PMPCB: variants seen among roughly 807,000 people sequenced by gnomAD.
The protein encoded by PMPCB is peptidase, mitochondrial processing subunit beta, also known as mitochondrial-processing peptidase subunit beta.
PMPCB carries 46 observed loss-of-function variants against 61.5 expected under a neutral mutation model. The ratio of observed to expected loss-of-function variants is 0.75; its 90% CI spans 0.59 to 0.96. The LOEUF (loss-of-function observed/expected upper bound fraction) is 0.96. PMPCB is among the 40% of genes least tolerant of loss of function. PMPCB has a pLI of 0.00. For synonymous variants in PMPCB, 191 were observed against 201.6 expected (o/e 0.95, Z 0.44); for missense variants, 590 against 602.4 (o/e 0.98, Z 0.22).
At chr7:103,320,172 T>C (rs1311464353) in intron 12 of PMPCB, among the ~76,000 whole-genome samples, 1 of 152,104 alleles carries the variant, frequency 6.6e-6, no homozygotes, top group African/African-American at 2.4e-5. Context: ...CACTGCAACC[T>C]CCACCTCCCG....
chr7:103,346,819 TGTGTGTGTG>T, the PMPCB span, among the ~76,000 whole-genome samples: 25 of 2,176 alleles, frequency 0.011, no homozygotes, highest in Non-Finnish European at 0.086. Flanking sequence ...GGCTGAATAA[TGTGTGTGTG>T]TGTGTGTGTG....
At chr7:103,319,652 G>A, downstream of PMPCB, 3 of 1,614,038 alleles carry the variant, frequency 1.9e-6, no homozygotes, top group Non-Finnish European at 2.5e-6. Flanking sequence ...TGTGCATGAT[G>A]TGAGTGTTTC....
chr7:103,303,956 AAGTT>A lies in PMPCB; in HGVS notation c.573_576del (p.Val192PhefsTer29). On this transcript the variant is annotated frameshift_variant, in exon 5 of 13. Coordinates refer to ENST00000249269, the MANE Select transcript of PMPCB (RefSeq NM_004279.3). LOFTEE classifies it high-confidence loss of function. ...CAGGAAGTTGAAACCAATTTACAAG[AAGTT>A]GTTTTTGATTATCTTCATGCCACAG... 1 of 1,613,926 alleles carries A rather than the reference AAGTT, an allele frequency of 6.2e-7. No individual in the cohort carries two copies. Among genetic ancestry groups the A allele is most frequent in the Non-Finnish European group, 8.5e-7 (1 of 1,179,798 alleles).
At chr7:103,330,819 C>T (rs1330605987), downstream of PMPCB, among the ~76,000 whole-genome samples, 7 of 150,358 alleles carry the variant, frequency 4.7e-5, no homozygotes, top group Admixed American at 4.6e-4. Context: ...TGGGCTCAAG[C>T]GATCCTCCCA....
In PMPCB at chr7:103,313,263, A is replaced by G. The variant is rs952069700; in HGVS notation, c.*992A>G. ...GATACATATAGCCCTCTGAGTGTTA[A>G]TAAGAGAAAAAATTTCAGATAGCTC... is the stretch of plus-strand genomic sequence containing the variant. On this transcript the variant is annotated 3_prime_UTR_variant, in exon 13 of 13. Coordinates refer to ENST00000249269, the MANE Select transcript of PMPCB (RefSeq NM_004279.3). 3.6e-5 allele frequency: 48 copies of G among 1,350,838 alleles called. No individual in the cohort carries two copies. Among genetic ancestry groups the G allele is most frequent in the Non-Finnish European group, 4.5e-5 (48 of 1,055,460 alleles). The allele number at this position is 1,350,838 out of a possible 1,614,324, so 83.7% of individuals were successfully genotyped here.
At chr7:103,302,799 G>A (rs1161247375) in intron 4 of PMPCB, among the ~76,000 whole-genome samples, 2 of 152,154 alleles carry the variant, frequency 1.3e-5, no homozygotes, top group Non-Finnish European at 2.9e-5. Context: ...GCTACTTGGA[G>A]GAAGCTGAGG....
At chr7:103,337,716 C>T in the PMPCB span, 1 of 1,593,562 alleles carries the variant, frequency 6.3e-7, no homozygotes, top group Admixed American at 1.7e-5. Context: ...TTGATTATTT[C>T]AAAATAACTA....
chr7:103,297,742 G>A (rs1228480620), intron 1 of PMPCB, 184 bp downstream of exon 1: 7 of 1,533,778 alleles, frequency 4.6e-6, no homozygotes, highest in Non-Finnish European at 5.2e-6. Context: ...GTGGCCACCC[G>A]CCAGGAGACC....
chr7:103,297,820 G>A, intron 1 of PMPCB: 1 of 1,520,000 alleles, frequency 6.6e-7, no homozygotes, highest in Non-Finnish European at 8.8e-7. Context: ...GTGCATGTTT[G>A]ACCACTAAAA....
chr7:103,312,908 T>C lies in PMPCB; in HGVS notation c.*637T>C. The C allele has an allele frequency of 1.3e-6, 2 of 1,586,762 alleles. No individual in the cohort carries two copies. The highest frequency in any genetic ancestry group is 1.7e-6 in the Non-Finnish European group (2 of 1,171,154). The stretch of plus-strand genomic sequence containing the variant: ...ATGAGCTATATCACCCAAGCTACAA[T>C]TTAAAATACAACAATCTATAAACGC... On this transcript the variant is annotated 3_prime_UTR_variant, in exon 13 of 13. Transcript: ENST00000249269.
chr7:103,314,307 C>A lies in PMPCB; in HGVS notation c.*2036C>A. On this transcript the variant is annotated 3_prime_UTR_variant, in exon 13 of 13. Transcript: ENST00000249269. The stretch of plus-strand genomic sequence containing the variant: ...AAATTAAACGTACTGTTGCAAAACT[C>A]CTATGAGAAATCACTATTCAAAAAA... 1 of 985,396 alleles carries A rather than the reference C, an allele frequency of 1.0e-6. No homozygotes were observed. Among genetic ancestry groups the A allele is most frequent in the Non-Finnish European group, 1.2e-6 (1 of 829,908 alleles). The allele number at this position is 985,396 out of a possible 1,614,324, so 61.0% of individuals were successfully genotyped here.
rs779588615 is a variant in PMPCB, at chr7:103,297,511, C to T, written c.52C>T (p.Leu18Phe). The change falls in exon 1 of 13, where the codon CTC becomes TTC. Residue 18 changes from leucine (L) to phenylalanine (F), a missense_variant. Physicochemically the swap from Leu to Phe is conservative, Grantham distance 22. Coordinates refer to ENST00000249269, the MANE Select transcript of PMPCB (RefSeq NM_004279.3). Reference sequence around the variant, plus strand: ...GTTGTCATCCGCGGCGCGGCGGCGGCTCTGGGGTTTCAGCGAGAGTCTTCT... The same window carrying T: ...GTTGTCATCCGCGGCGCGGCGGCGGTTCTGGGGTTTCAGCGAGAGTCTTCT... ...VVLSSAARRR[L>F]WGFSESLLIR... 1.3e-6 allele frequency: 2 copies of T among 1,594,070 alleles called. No individual in the cohort carries two copies. Among genetic ancestry groups the T allele is most frequent in the South Asian group, 1.1e-5 (1 of 88,476 alleles).
Position 103,314,624 on chromosome 7 carries a change from G to C in PMPCB, c.*2353G>C. The C allele has an allele frequency of 1.0e-6, 1 of 985,300 alleles. No individual in the cohort carries two copies. Among genetic ancestry groups the C allele is most frequent in the Non-Finnish European group, 1.2e-6 (1 of 829,864 alleles). 61.0% of individuals were successfully genotyped at this position (985,300 alleles called of 1,614,324 possible). ...TCCTTTATAAAGAAGTGTCTTTCAGGTGTTCTGAAACCCTGCCTTGTTACT... is the reference window on the plus strand; with the variant it reads ...TCCTTTATAAAGAAGTGTCTTTCAGCTGTTCTGAAACCCTGCCTTGTTACT... On this transcript the variant is annotated 3_prime_UTR_variant, in exon 13 of 13. Coordinates refer to ENST00000249269, the MANE Select transcript of PMPCB (RefSeq NM_004279.3).
the PMPCB span, among the ~76,000 whole-genome samples, chr7:103,347,246 A>T: frequency 6.6e-6 from 1 of 152,118 alleles, no homozygotes; most frequent in Non-Finnish European, 1.5e-5. Context: ...AGCTATCTTA[A>T]TAGGTATGTG....
At chr7:103,324,357 G>A (rs1818585947) in intron 12 of PMPCB, 2 of 756,296 alleles carry the variant, frequency 2.6e-6, no homozygotes, top group Non-Finnish European at 1.9e-6. Flanking sequence ...AGGTAACAGA[G>A]TGCTTTTGTT....
At chr7:103,315,842 T>C (rs763401585), downstream of PMPCB, 34 of 1,613,532 alleles carry the variant, frequency 2.1e-5, no homozygotes, top group Non-Finnish European at 2.7e-5. Context: ...TCAAATGCCT[T>C]TTTATTTATG....
At chr7:103,325,458 A>AC (rs1466020306) in intron 12 of PMPCB, among the ~76,000 whole-genome samples, 1 of 151,762 alleles carries the variant, frequency 6.6e-6, no homozygotes, top group Non-Finnish European at 1.5e-5. Flanking sequence ...GGAAAAAAAA[A>AC]AAACCAAAAA....
Position 103,327,791 on chromosome 7 carries a change from T to C in PMPCB, c.*1432-1140T>C, listed in dbSNP as rs184828735. The C allele has an allele frequency of 7.1e-6, 10 of 1,416,372 alleles. No individual in the cohort carries two copies. The African/African-American group carries it at 1.4e-4, about 20-fold the overall frequency. 87.7% of individuals were successfully genotyped at this position (1,416,372 alleles called of 1,614,324 possible). On this transcript the variant is annotated intron_variant and NMD_transcript_variant, in intron 12 of 12. Transcript: ENST00000444457. ...GTCAGATTGAGATAATTTGTCACTTTAAGCACCAAAAATAAAGATGAGCTA... is the reference window on the plus strand; with the variant it reads ...GTCAGATTGAGATAATTTGTCACTTCAAGCACCAAAAATAAAGATGAGCTA...
At chr7:103,322,364 A>G in intron 12 of PMPCB, 1 of 905,102 alleles carries the variant, frequency 1.1e-6, no homozygotes, top group South Asian at 2.0e-5. Flanking sequence ...TCTCTCAATT[A>G]TACCAACTGG....
Sources: gnomAD v4.1 joint callset for allele counts (sites outside exome capture counted in the v4.1 genomes callset) on GRCh38, gnomAD v4.1.1 for gene constraint, MANE v1.5 for transcripts, NCBI Gene and HGNC (gene_info 2026-07-23, HGNC 2026-07-21) for gene names.